The following BCAT1 variants were observed in gnomAD, a reference collection of about 807,000 sequenced individuals.
BCAT1 encodes the protein branched chain amino acid transaminase 1.
In BCAT1, 48 loss-of-function variants were observed where a neutral mutation model predicts 52.4. That is an observed-to-expected ratio of 0.92 (90% confidence interval 0.73 to 1.16). BCAT1 has a LOEUF of 1.16. BCAT1 is among the 50% of genes most tolerant of loss of function. The probability of loss-of-function intolerance (pLI) is 0.00; values close to 1 mark genes in which losing one functional copy is unlikely to be tolerated. For synonymous variants in BCAT1, 167 were observed against 161.3 expected (o/e 1.04, Z -0.27); for missense variants, 451 against 457.1 (o/e 0.99, Z 0.12).
At chr12:24,854,483 G>A (rs1053148574) in intron 5 of BCAT1, among the ~76,000 whole-genome samples, 1 of 152,126 alleles carries the variant, frequency 6.6e-6, no homozygotes. Flanking sequence ...GGGGAAAATA[G>A]TAAAGAATAC....
At chr12:24,879,889 C>G (rs1672189919) in intron 4 of BCAT1, among the ~76,000 whole-genome samples, 1 of 152,212 alleles carries the variant, frequency 6.6e-6, no homozygotes, top group African/African-American at 2.4e-5. Context: ...CTACATAACA[C>G]AGTTTGGTAG....
chr12:24,946,681 T>C (rs1943936818), intron 1 of BCAT1, among the ~76,000 whole-genome samples: 1 of 152,200 alleles, frequency 6.6e-6, no homozygotes, highest in Non-Finnish European at 1.5e-5. Context: ...GCCTGATAAA[T>C]TGTGTAGCCT....
At chr12:24,884,934 G>C (rs1043882014) in intron 3 of BCAT1, among the ~76,000 whole-genome samples, 3 of 151,958 alleles carry the variant, frequency 2.0e-5, no homozygotes, top group Admixed American at 6.6e-5. Flanking sequence ...AAAAAACAAA[G>C]ATAACTTCCC....
chr12:24,936,723 T>TCTCTCTCTCTCTCTCTCTCTCTCTCA (rs201793932), intron 1 of BCAT1, among the ~76,000 whole-genome samples: 6 of 141,798 alleles, frequency 4.2e-5, no homozygotes, highest in African/African-American at 1.0e-4. Flanking sequence ...TCTCTCTCTC[T>TCTCTCTCTCTCTCTCTCTCTCTCTCA]CACACACACA....
At chr12:24,902,585 G>A (rs1343745848) in intron 1 of BCAT1, 1 of 425,308 alleles carries the variant, frequency 2.4e-6, no homozygotes, top group Non-Finnish European at 3.8e-6. Context: ...GCAGAGTCAC[G>A]TAGGATGTGG....
chr12:24,880,850 T>TGTTTTTTG (rs111490527), intron 4 of BCAT1, among the ~76,000 whole-genome samples: 1 of 151,498 alleles, frequency 6.6e-6, no homozygotes, highest in East Asian at 1.9e-4. Flanking sequence ...TTTTGTTTTT[T>TGTTTTTTG]TTTTTTACAG....
chr12:24,829,019 GTAAATAAATAAATAAATAAA>G (rs113337097), intron 10 of BCAT1, among the ~76,000 whole-genome samples: 92,175 of 150,886 alleles, frequency 0.61, 28,806 homozygotes, highest in East Asian at 0.83. Flanking sequence ...AAATAAATAA[GTAAATAAATAAATAAATAAA>G]TAAATAAATA....
intron 1 of BCAT1, among the ~76,000 whole-genome samples, chr12:24,935,257 T>C (rs1190483173): frequency 6.6e-6 from 1 of 152,108 alleles, no homozygotes; most frequent in Non-Finnish European, 1.5e-5. Context: ...GCACGCAAAA[T>C]GCAGAAAAAT....
chr12:24,851,251 G>C (rs1941502463), intron 5 of BCAT1, among the ~76,000 whole-genome samples: 1 of 152,190 alleles, frequency 6.6e-6, no homozygotes, highest in Non-Finnish European at 1.5e-5. Flanking sequence ...ACCTGGATAG[G>C]AATGGGGATC....
chr12:24,877,397 C>T (rs982243425), intron 5 of BCAT1, among the ~76,000 whole-genome samples: 1 of 152,212 alleles, frequency 6.6e-6, no homozygotes, highest in Admixed American at 6.5e-5. Flanking sequence ...AGACAGGTGA[C>T]AGGGTCTTCA....
Position 24,831,110 on chromosome 12 carries a change from C to T in BCAT1, c.1045-1213G>A, listed in dbSNP as rs1405689860. Among the ~76,000 whole-genome samples, 3 of 152,190 alleles carry T rather than the reference C, an allele frequency of 2.0e-5. No homozygotes were observed. In the East Asian group the frequency reaches 5.8e-4, roughly 29 times the overall value. ...ACAGCAAGACCAATCCCTCCTCCTCCTCCTCCTCCTCAGCCTACTCAACAT... is the reference window on the plus strand; with the variant it reads ...ACAGCAAGACCAATCCCTCCTCCTCTTCCTCCTCCTCAGCCTACTCAACAT... On this transcript the variant is annotated intron_variant, in intron 9 of 10. Transcript: ENST00000261192.
At chr12:24,833,170 T>C (rs926077753) in intron 8 of BCAT1, among the ~76,000 whole-genome samples, 13 of 152,224 alleles carry the variant, frequency 8.5e-5, no homozygotes, top group African/African-American at 2.9e-4. Context: ...TTAACTTGTA[T>C]AAAGTCTCAC....
intron 1 of BCAT1, among the ~76,000 whole-genome samples, chr12:24,913,326 A>G (rs755355545): frequency 6.6e-6 from 1 of 152,216 alleles, no homozygotes. Flanking sequence ...ACCAAGCAGG[A>G]CCTAGCAAGG....
chr12:24,898,053 A>G (rs1942999535), intron 2 of BCAT1, among the ~76,000 whole-genome samples: 1 of 152,200 alleles, frequency 6.6e-6, no homozygotes, highest in Non-Finnish European at 1.5e-5. Flanking sequence ...AACAAGCAAT[A>G]TTAGCTGAAG....
chr12:24,816,440 A>G lies in BCAT1; in HGVS notation c.*1568T>C. The G allele has an allele frequency of 5.0e-6, 2 of 397,858 alleles. No homozygotes were observed. Among genetic ancestry groups the G allele is most frequent in the Non-Finnish European group, 8.9e-6 (2 of 225,576 alleles). The allele number at this position is 397,858 out of a possible 1,614,324, so 24.6% of individuals were successfully genotyped here. A position where few individuals can be genotyped will look rare whatever the true frequency, so the allele number is the denominator to read the frequency against. Reference sequence around the variant, plus strand: ...CCTTAGATAAACCACAAAGGATACAATTTTAACTCACAGCTCCTAAACAAG... The same window carrying G: ...CCTTAGATAAACCACAAAGGATACAGTTTTAACTCACAGCTCCTAAACAAG... On this transcript the variant is annotated 3_prime_UTR_variant, in exon 11 of 11. Coordinates refer to ENST00000261192, the MANE Select transcript of BCAT1 (RefSeq NM_005504.7).
chr12:24,889,749 G>A (rs983170285), intron 3 of BCAT1, among the ~76,000 whole-genome samples: 9 of 152,210 alleles, frequency 5.9e-5, no homozygotes, highest in Non-Finnish European at 1.2e-4. Context: ...CAGCACTTTC[G>A]GAGGCAGAGG....
chr12:24,869,983 T>G (rs976559827), intron 5 of BCAT1, among the ~76,000 whole-genome samples: 30 of 145,246 alleles, frequency 2.1e-4, no homozygotes, highest in Middle Eastern at 3.5e-3. Flanking sequence ...CATGTAAGGG[T>G]GTGTGTGTGT....
rs12579655 is a variant in BCAT1 at position 24,877,827 on chromosome 12, A to G, written c.510+703T>C. 2.1e-4 allele frequency among the ~76,000 whole-genome samples: 32 copies of G among 152,268 alleles called. No homozygotes were observed. In the East Asian group the frequency reaches 6.0e-3, roughly 28 times the overall value. On this transcript the variant is annotated intron_variant, in intron 5 of 10. Coordinates refer to ENST00000261192, the MANE Select transcript of BCAT1 (RefSeq NM_005504.7). ...GCATTTACTCATTTATGTGCTGTCT[A>G]TGGCTGCTTTAGTACTAAAATGGCA...
intron 1 of BCAT1, among the ~76,000 whole-genome samples, chr12:24,911,374 G>A (rs780607490): frequency 3.3e-5 from 5 of 152,062 alleles, no homozygotes; most frequent in Admixed American, 6.5e-5. Flanking sequence ...GAATGAATGC[G>A]CAGGGCTACA....
Sources: gnomAD v4.1 joint callset for allele counts (sites outside exome capture counted in the v4.1 genomes callset) on GRCh38, gnomAD v4.1.1 for gene constraint, MANE v1.5 for transcripts, NCBI Gene and HGNC (gene_info 2026-07-23, HGNC 2026-07-21) for gene names.